The following DLGAP1 variants were observed in gnomAD, a reference collection of about 807,000 sequenced individuals.
DLGAP1 encodes the protein DLG associated protein 1, also known as disks large-associated protein 1.
A neutral mutation model predicts 90.8 loss-of-function variants in DLGAP1; 11 were observed. The observed-to-expected ratio is 0.12, with a 90% CI of 0.08 to 0.20. The LOEUF (loss-of-function observed/expected upper bound fraction) is 0.20. DLGAP1 is among the 10% of genes least tolerant of loss of function. The pLI is 1.00. For missense variants in DLGAP1, 1,050 were observed against 1,333.8 expected (o/e 0.79, Z 3.31); for synonymous variants, 558 against 540.7 (o/e 1.03, Z -0.44).
chr18:3,770,153 A>G (rs2064455388), intron 5 of DLGAP1: 2 of 152,136 alleles, frequency 1.3e-5, no homozygotes, highest in African/African-American at 4.8e-5. Context: ...CAGTGAGAAG[A>G]GCACACTTGA....
chr18:4,052,263 T>C (rs746124236), intron 2 of DLGAP1, among the ~76,000 whole-genome samples: 6 of 152,202 alleles, frequency 3.9e-5, no homozygotes, highest in Non-Finnish European at 8.8e-5. Context: ...AAGATTCTCC[T>C]GAGGGATCTG....
chr18:3,823,901 G>T (rs998065560), intron 4 of DLGAP1, among the ~76,000 whole-genome samples: 2 of 117,358 alleles, frequency 1.7e-5, no homozygotes, highest in African/African-American at 6.6e-5. Context: ...AATGAGCCAA[G>T]ATGGTACCAT....
intron 5 of DLGAP1, among the ~76,000 whole-genome samples, chr18:3,761,337 C>T (rs779192227): frequency 1.3e-5 from 2 of 152,120 alleles, no homozygotes; most frequent in African/African-American, 4.8e-5. Flanking sequence ...TGGAATCATA[C>T]AAAATTTGTC....
At chr18:3,881,588 C>T (rs1186318069) in intron 3 of DLGAP1, among the ~76,000 whole-genome samples, 5 of 152,168 alleles carry the variant, frequency 3.3e-5, no homozygotes, top group Non-Finnish European at 5.9e-5. Context: ...ACAGTAATAG[C>T]ACTCCATAAG....
intron 2 of DLGAP1, among the ~76,000 whole-genome samples, chr18:4,046,274 A>G (rs2075052699): frequency 6.6e-6 from 1 of 152,256 alleles, no homozygotes; most frequent in Admixed American, 6.5e-5. Flanking sequence ...ATTGCATAAT[A>G]GATTGCAAAA....
chr18:4,405,008 C>A (rs2082633366), intron 1 of DLGAP1, among the ~76,000 whole-genome samples: 1 of 152,132 alleles, frequency 6.6e-6, no homozygotes, highest in African/African-American at 2.4e-5. Flanking sequence ...GAGAATGGTA[C>A]CTTCATTGTA....
chr18:4,292,393 A>G (rs952091082), intron 1 of DLGAP1, among the ~76,000 whole-genome samples: 7 of 152,062 alleles, frequency 4.6e-5, no homozygotes, highest in Non-Finnish European at 8.8e-5. Context: ...TTTTTTTTTC[A>G]TTTGAAAATA....
At chr18:4,360,521 TA>T (rs2081608805) in intron 1 of DLGAP1, among the ~76,000 whole-genome samples, 1 of 152,150 alleles carries the variant, frequency 6.6e-6, no homozygotes, top group African/African-American at 2.4e-5. Context: ...TTCACACACA[TA>T]AATAATGATA....
At chr18:4,302,498 T>G (rs2080150206) in intron 1 of DLGAP1, among the ~76,000 whole-genome samples, 1 of 148,622 alleles carries the variant, frequency 6.7e-6, no homozygotes, top group Admixed American at 6.7e-5. Context: ...TTGGTCAATG[T>G]GTGTATTTTT....
At chr18:3,594,808 A>G (rs548517388) in intron 7 of DLGAP1, among the ~76,000 whole-genome samples, 2 of 152,346 alleles carry the variant, frequency 1.3e-5, no homozygotes, top group East Asian at 3.9e-4. Context: ...TAAACAGCCC[A>G]GAAACAGGAT....
intron 3 of DLGAP1, chr18:3,993,023 A>C (rs1380219928): frequency 1.3e-5 from 2 of 152,126 alleles, no homozygotes; most frequent in African/African-American, 2.4e-5. Context: ...AAGGCTGCAA[A>C]AAGATTACAA....
chr18:3,959,536 G>A (rs921405402), intron 3 of DLGAP1, among the ~76,000 whole-genome samples: 1 of 151,990 alleles, frequency 6.6e-6, no homozygotes, highest in Non-Finnish European at 1.5e-5. Context: ...ACGTGGTGTC[G>A]CGTGTCTGTG....
At chr18:3,628,664 A>G (rs531950410) in intron 7 of DLGAP1, among the ~76,000 whole-genome samples, 2 of 152,262 alleles carry the variant, frequency 1.3e-5, no homozygotes, top group South Asian at 4.1e-4. Flanking sequence ...TGCCTTTAGT[A>G]TTTCTGCATG....
At chr18:3,845,654 A>G in intron 4 of DLGAP1, 6 of 959,980 alleles carry the variant, frequency 6.3e-6, no homozygotes, top group Non-Finnish European at 7.4e-6. Context: ...TTTGCAGCCC[A>G]TATAGGGGGT....
chr18:3,521,816 T>C (rs1302284059), intron 10 of DLGAP1, among the ~76,000 whole-genome samples: 2 of 152,242 alleles, frequency 1.3e-5, no homozygotes, highest in African/African-American at 2.4e-5. Flanking sequence ...TGAAATTAAC[T>C]GAGTTATTTA....
intron 4 of DLGAP1, among the ~76,000 whole-genome samples, chr18:3,877,643 G>A (rs182533918): frequency 3.9e-5 from 6 of 152,152 alleles, no homozygotes; most frequent in East Asian, 3.9e-4. Context: ...TAGAGCTTTC[G>A]GTTGCAACTT....
intron 7 of DLGAP1, among the ~76,000 whole-genome samples, chr18:3,635,295 T>G (rs1567872477): frequency 6.6e-6 from 1 of 151,826 alleles, no homozygotes; most frequent in Non-Finnish European, 1.5e-5. Flanking sequence ...CACGCCCGGC[T>G]GATTTTTTTG....
At chr18:3,999,620 C>T (rs1382367442) in intron 3 of DLGAP1, among the ~76,000 whole-genome samples, 1 of 152,074 alleles carries the variant, frequency 6.6e-6, no homozygotes, top group Admixed American at 6.6e-5. Flanking sequence ...ACAACAACAA[C>T]AACAAAACAC....
intron 1 of DLGAP1, among the ~76,000 whole-genome samples, chr18:4,316,221 G>T (rs137955434): frequency 3.3e-5 from 5 of 152,124 alleles, no homozygotes; most frequent in African/African-American, 1.2e-4. Context: ...CTATTGATCC[G>T]TGTGTTACAT....
Sources: allele counts gnomAD v4.1 joint callset (sites outside exome capture counted in the v4.1 genomes callset), GRCh38; gene constraint gnomAD v4.1.1; transcripts MANE v1.5; gene names NCBI Gene and HGNC (gene_info 2026-07-23, HGNC 2026-07-21).